ZFPM2: variants seen among roughly 807,000 people sequenced by gnomAD.
ZFPM2 encodes the protein zinc finger protein ZFPM2.
A neutral mutation model predicts 98.6 loss-of-function variants in ZFPM2; 20 were observed. The ratio of observed to expected loss-of-function variants is 0.20; its 90% CI spans 0.14 to 0.29. The LOEUF (loss-of-function observed/expected upper bound fraction) is 0.29, where lower values mean the gene tolerates loss of function less well. Among genes scored for constraint, ZFPM2 ranks in the 10% least tolerant of loss-of-function variants. The pLI is 1.00. For synonymous variants in ZFPM2, 518 were observed against 502.7 expected (o/e 1.03, Z -0.41); for missense variants, 1,310 against 1,388.6 (o/e 0.94, Z 0.90).
At chr8:105,364,008 G>C (rs1444094636) in intron 1 of ZFPM2, among the ~76,000 whole-genome samples, 2 of 151,986 alleles carry the variant, frequency 1.3e-5, no homozygotes, top group East Asian at 3.9e-4. Flanking sequence ...AATTTGTAGA[G>C]AAAGAAGAGG....
chr8:105,433,948 G>A (rs1228602984), intron 2 of ZFPM2, among the ~76,000 whole-genome samples: 1 of 152,116 alleles, frequency 6.6e-6, no homozygotes, highest in Non-Finnish European at 1.5e-5. Flanking sequence ...TTCATATTAA[G>A]GAGTCTGAAA....
rs753315975 is a variant in ZFPM2 at position 105,802,541 on chromosome 8, G to C, written c.2459G>C (p.Ser820Thr). 1 of 1,612,044 alleles carries C rather than the reference G, an allele frequency of 6.2e-7. No homozygotes were observed. ...TCCAAATGTGATACTACTCATTCCA[G>C]TGTTTCCTGCCTAGAGATGGACGTG... The part of the protein sequence containing the change: ...PVSKCDTTHS[S>T]VSCLEMDVPI... The change falls in exon 8 of 8, where the codon AGT (serine) becomes ACT (threonine). Residue 820 changes from serine (S) to threonine (T), a missense_variant. Coordinates refer to ENST00000407775, the MANE Select transcript of ZFPM2 (RefSeq NM_012082.4).
In ZFPM2 at chr8:105,524,187, A is replaced by G. The variant is rs538928676; in HGVS notation, c.302-37176A>G. On this transcript the variant is annotated intron_variant, in intron 3 of 7. Transcript: ENST00000407775. ...TAACTATGTTAATGCTGGAAAGTCT[A>G]CTAAAGTAGATTAAATGCTATACAA... Among the ~76,000 whole-genome samples, 15 of 152,322 alleles carry G rather than the reference A, an allele frequency of 9.8e-5. No individual in the cohort carries two copies. In the South Asian group the frequency reaches 3.1e-3, roughly 32 times the overall value.
chr8:105,506,807 G>T (rs932233425), intron 3 of ZFPM2, among the ~76,000 whole-genome samples: 1 of 151,978 alleles, frequency 6.6e-6, no homozygotes, highest in African/African-American at 2.4e-5. Context: ...CTAACACGGT[G>T]AAACCCCGTC....
chr8:105,711,544 T>A (rs1811398486), intron 5 of ZFPM2, among the ~76,000 whole-genome samples: 1 of 152,098 alleles, frequency 6.6e-6, no homozygotes. Context: ...TTCCTATATA[T>A]GAACTTGTTA....
chr8:105,650,936 C>T (rs1249328298), intron 5 of ZFPM2, among the ~76,000 whole-genome samples: 1 of 152,116 alleles, frequency 6.6e-6, no homozygotes, highest in Non-Finnish European at 1.5e-5. Flanking sequence ...CTTATGCAAG[C>T]TTCTGCAAAG....
intron 5 of ZFPM2, among the ~76,000 whole-genome samples, chr8:105,782,907 A>T (rs867357826): frequency 2.0e-5 from 3 of 152,168 alleles, no homozygotes; most frequent in African/African-American, 7.2e-5. Flanking sequence ...CACAGAAAAC[A>T]TGTTTAGATT....
At position 105,453,789 on chromosome 8, in the gene ZFPM2, A is replaced by T. The variant is rs115059818; in HGVS notation, c.301+9408A>T. Among the ~76,000 whole-genome samples, 896 of 151,846 alleles carry T rather than the reference A, an allele frequency of 5.9e-3. 8 individuals carry two copies. Among genetic ancestry groups the T allele is most frequent in the African/African-American group, 0.021 (858 of 41,446 alleles). On this transcript the variant is annotated intron_variant, in intron 3 of 7. Transcript: ENST00000407775. ...CCCTAGTGCGCCACCACACCCAGGTAATTTTTTTTATTTTTAGTAGTGATG... is the reference window on the plus strand; with the variant it reads ...CCCTAGTGCGCCACCACACCCAGGTTATTTTTTTTATTTTTAGTAGTGATG...
chr8:105,622,074 A>G (rs1339835964), intron 4 of ZFPM2, among the ~76,000 whole-genome samples: 2 of 152,028 alleles, frequency 1.3e-5, no homozygotes, highest in Non-Finnish European at 2.9e-5. Flanking sequence ...AATTGGAATT[A>G]TTTTATATAT....
At chr8:105,342,281 A>C (rs1167345701) in intron 1 of ZFPM2, among the ~76,000 whole-genome samples, 1 of 152,038 alleles carries the variant, frequency 6.6e-6, no homozygotes, top group Non-Finnish European at 1.5e-5. Context: ...GCTGTGCTGA[A>C]TCATTCATTC....
intron 4 of ZFPM2, among the ~76,000 whole-genome samples, chr8:105,572,298 A>T (rs1815374712): frequency 6.6e-6 from 1 of 152,046 alleles, no homozygotes; most frequent in Non-Finnish European, 1.5e-5. Flanking sequence ...GGCCTCCCAA[A>T]GTGCTGGGAT....
intron 5 of ZFPM2, among the ~76,000 whole-genome samples, chr8:105,666,562 G>A (rs1379325380): frequency 6.6e-6 from 1 of 152,210 alleles, no homozygotes; most frequent in Admixed American, 6.5e-5. Flanking sequence ...TGGTCCTTCA[G>A]ATAGACCTGC....
chr8:105,634,132 T>G, intron 4 of ZFPM2, 114 bp from the exon 5 acceptor site: 1 of 766,124 alleles, frequency 1.3e-6, no homozygotes, highest in Non-Finnish European at 2.1e-6. Context: ...AGGACTTGGA[T>G]TATGGTTTGG....
chr8:105,649,983 A>G (rs541470484), intron 5 of ZFPM2, among the ~76,000 whole-genome samples: 1 of 152,164 alleles, frequency 6.6e-6, no homozygotes, highest in Non-Finnish European at 1.5e-5. Context: ...TACCTCTGGT[A>G]GAATTTGGCT....
At chr8:105,685,216 G>C (rs939363943) in intron 5 of ZFPM2, among the ~76,000 whole-genome samples, 1 of 152,012 alleles carries the variant, frequency 6.6e-6, no homozygotes. Flanking sequence ...TTGACATGTG[G>C]TCAATCAGAT....
At chr8:105,419,071 G>T (rs1298820508) in intron 1 of ZFPM2, 73 bp from the exon 2 acceptor site, 5 of 1,448,210 alleles carry the variant, frequency 3.5e-6, no homozygotes, top group Admixed American at 2.3e-5. Context: ...ACAAAAAAAG[G>T]CTCTATTTAA....
chr8:105,734,109 C>T (rs71522756), intron 5 of ZFPM2, among the ~76,000 whole-genome samples: 2,027 of 151,942 alleles, frequency 0.013, 43 homozygotes, highest in Middle Eastern at 0.027. Context: ...CCACACAGCT[C>T]CATGTCATAT....
intron 5 of ZFPM2, among the ~76,000 whole-genome samples, chr8:105,679,629 C>CA (rs947539215): frequency 2.6e-4 from 39 of 150,712 alleles, no homozygotes; most frequent in East Asian, 5.8e-4. Flanking sequence ...CTCCATCTCT[C>CA]AAAAAAAACA....
intron 5 of ZFPM2, among the ~76,000 whole-genome samples, chr8:105,773,744 A>G (rs1813037030): frequency 6.6e-6 from 1 of 151,916 alleles, no homozygotes; most frequent in African/African-American, 2.4e-5. Context: ...TTTCTTTGTG[A>G]ATATTTTGAA....
Sources: allele counts gnomAD v4.1 joint callset (sites outside exome capture counted in the v4.1 genomes callset), GRCh38; gene constraint gnomAD v4.1.1; transcripts MANE v1.5; gene names NCBI Gene and HGNC (gene_info 2026-07-23, HGNC 2026-07-21).